LGALS2: variants seen among roughly 807,000 people sequenced by gnomAD.
LGALS2 encodes galectin 2.
Under a neutral mutation model 10.1 loss-of-function variants are expected in LGALS2, and 7 were observed. The observed-to-expected ratio is 0.70, with a 90% CI of 0.40 to 1.31. LGALS2 has a LOEUF of 1.31. LGALS2 is among the 50% of genes most tolerant of loss of function. The pLI is 0.01. For missense variants in LGALS2, 167 were observed against 163.6 expected, an observed-to-expected ratio of 1.02 and a Z score of -0.11; for synonymous variants, 86 against 64.2, an observed-to-expected ratio of 1.34 and a Z score of -1.63.
At position 37,570,711 on chromosome 22, in the gene LGALS2, C is replaced by G; in HGVS notation, c.114G>C (p.Gly38=). The G allele has an allele frequency of 6.2e-7, 1 of 1,614,226 alleles. No homozygotes were observed. Among genetic ancestry groups the G allele is most frequent in the Non-Finnish European group, 8.5e-7 (1 of 1,180,046 alleles). Residue 38 remains glycine (G), a synonymous_variant, in exon 3 of 4, where the codon GGG becomes GGC. Transcript: ENST00000215886. ...TDGFVINLGQ[G]TDKLNLHFNP... ...TGAAATGCAGGTTCAGCTTGTCTGT[C>G]CCCTGGCCCAGATTAATTACAAAGC...
Position 37,570,747 on chromosome 22 carries a change from G to A in LGALS2, c.90-12C>T. ...GATTAATTACAAAGCTGCAGGAGAA[G>A]GGGTAGCAGGTGAGGTTCAGGGCTC... is the stretch of plus-strand genomic sequence containing the variant. On this transcript the variant is annotated splice_polypyrimidine_tract_variant and intron_variant, in intron 2 of 3. Coordinates refer to ENST00000215886, the MANE Select transcript of LGALS2 (RefSeq NM_006498.3). 6.2e-7 allele frequency: 1 copy of A among 1,614,132 alleles called. No homozygotes were observed. Among genetic ancestry groups the A allele is most frequent in the Non-Finnish European group, 8.5e-7 (1 of 1,180,024 alleles).
At chr22:37,575,199 C>CTT (rs1379203044) in intron 1 of LGALS2, among the ~76,000 whole-genome samples, 3 of 112,652 alleles carry the variant, frequency 2.7e-5, no homozygotes, top group Admixed American at 9.6e-5. Context: ...TTTTTCTTTT[C>CTT]TTTCTTTTTT....
intron 1 of LGALS2, among the ~76,000 whole-genome samples, chr22:37,572,308 G>GT (rs1925522759): frequency 6.6e-6 from 1 of 152,214 alleles, no homozygotes; most frequent in African/African-American, 2.4e-5. Flanking sequence ...GAAAATGACT[G>GT]TATCAGAGGC....
chr22:37,576,156 A>G (rs1438495558), intron 1 of LGALS2, among the ~76,000 whole-genome samples: 1 of 152,080 alleles, frequency 6.6e-6, no homozygotes, highest in Non-Finnish European at 1.5e-5. Flanking sequence ...ACGGGATTAA[A>G]ATCAGTCTCT....
intron 1 of LGALS2, among the ~76,000 whole-genome samples, chr22:37,576,227 C>A (rs995317648): frequency 1.3e-5 from 2 of 151,892 alleles, no homozygotes; most frequent in African/African-American, 2.4e-5. Context: ...CCGAGGGGGG[C>A]GGATCACGAG....
In LGALS2 at chr22:37,571,856, T is replaced by C. The variant is rs773894041; in HGVS notation, c.82A>G (p.Thr28Ala). 1 of 1,613,934 alleles carries C rather than the reference T, an allele frequency of 6.2e-7. No homozygotes were observed. The highest frequency in any genetic ancestry group is 1.3e-5 in the African/African-American group (1 of 75,020). ...CCCTGAAACCTTGCTCACCCATCAG[T>C]GCCATCGGCGATGCTGCCTGTGATC... ...LKITGSIADG[T>A]DGFVINLGQG... Residue 28 changes from threonine (T) to alanine (A), a missense_variant, in exon 2 of 4, where the codon ACT becomes GCT. By Grantham distance (58) the Thr-to-Ala change is moderately conservative. Coordinates refer to ENST00000215886, the MANE Select transcript of LGALS2 (RefSeq NM_006498.3).
At chr22:37,576,984 T>C (rs1191818826) in intron 1 of LGALS2, among the ~76,000 whole-genome samples, 2 of 101,548 alleles carry the variant, frequency 2.0e-5, no homozygotes, top group African/African-American at 8.6e-5. Flanking sequence ...TGGTCGTCCC[T>C]AGAGCTGGGG....
chr22:37,575,203 CT>C (rs35861132), intron 1 of LGALS2, among the ~76,000 whole-genome samples: 148 of 128,666 alleles, frequency 1.2e-3, no homozygotes, highest in Non-Finnish European at 1.4e-3. Flanking sequence ...TCTTTTCTTT[CT>C]TTTTTTTTTT....
At chr22:37,577,231 G>C (rs1017846770) in intron 1 of LGALS2, among the ~76,000 whole-genome samples, 1 of 152,146 alleles carries the variant, frequency 6.6e-6, no homozygotes, top group Non-Finnish European at 1.5e-5. Context: ...GAGAGGCAGA[G>C]GGTGATGAGG....
chr22:37,575,884 G>T (rs559027919), intron 1 of LGALS2, among the ~76,000 whole-genome samples: 1 of 152,228 alleles, frequency 6.6e-6, no homozygotes, highest in Non-Finnish European at 1.5e-5. Context: ...CCGTCTGGAC[G>T]TTTGGGGCAG....
chr22:37,570,634 T>C lies in LGALS2; in HGVS notation c.191A>G (p.Asn64Ser), dbSNP rs773225903. Residue 64 changes from asparagine (N) to serine (S), a missense_variant, in exon 3 of 4, where the codon AAC (asparagine) becomes AGC (serine). Physicochemically the swap from Asn to Ser is conservative, Grantham distance 46 (BLOSUM62 1). Coordinates refer to ENST00000215886, the MANE Select transcript of LGALS2 (RefSeq NM_006498.3). ...TIVCNSLDGS[N>S]WGQEQREDHL... ...ATCTTCCCGTTGTTCTTGCCCCCAG[T>C]TGCTGCCGTCCAATGAGTTGCAGAC... 4 of 1,614,248 alleles carry C rather than the reference T, an allele frequency of 2.5e-6. No homozygotes were observed. In the South Asian group the frequency reaches 3.3e-5, roughly 13 times the overall value.
In LGALS2 at chr22:37,575,392, G is replaced by A. The variant is rs137938265; in HGVS notation, c.7-3461C>T. 7.3e-3 allele frequency among the ~76,000 whole-genome samples: 1,111 copies of A among 151,440 alleles called. 10 individuals are homozygous for A. Among genetic ancestry groups the A allele is most frequent in the African/African-American group, 0.026 (1,056 of 41,274 alleles). On this transcript the variant is annotated intron_variant, in intron 1 of 3. Coordinates refer to ENST00000215886, the MANE Select transcript of LGALS2 (RefSeq NM_006498.3). The stretch of plus-strand genomic sequence containing the variant: ...CCAGCTAATTTTTAAAATTTTTGTA[G>A]AGATAGGGTTTTGCTATGTTACCCA...
At chr22:37,570,883 T>G (rs1012403899) in intron 2 of LGALS2, 148 bp from the exon 3 acceptor site, 1 of 820,998 alleles carries the variant, frequency 1.2e-6, no homozygotes, top group Non-Finnish European at 2.0e-6. Flanking sequence ...GGTAACAACC[T>G]GCTCAGACTT....
At position 37,571,844 on chromosome 22, in the gene LGALS2, C is replaced by G; in HGVS notation, c.89+5G>C. 6.2e-7 allele frequency: 1 copy of G among 1,613,358 alleles called. No homozygotes were observed. The highest frequency in any genetic ancestry group is 8.5e-7 in the Non-Finnish European group (1 of 1,179,242). On this transcript the variant is annotated splice_donor_5th_base_variant and intron_variant, in intron 2 of 3. Coordinates refer to ENST00000215886, the MANE Select transcript of LGALS2 (RefSeq NM_006498.3). ...AGACTCCCCCAACCCTGAAACCTTGCTCACCCATCAGTGCCATCGGCGATG... is the reference window on the plus strand; with the variant it reads ...AGACTCCCCCAACCCTGAAACCTTGGTCACCCATCAGTGCCATCGGCGATG...
At chr22:37,574,544 G>A (rs1004404563) in intron 1 of LGALS2, among the ~76,000 whole-genome samples, 2 of 150,428 alleles carry the variant, frequency 1.3e-5, no homozygotes, top group African/African-American at 2.4e-5. Context: ...ACCAGTTTTC[G>A]CATCTATGAC....
chr22:37,576,295 A>G (rs1925671307), intron 1 of LGALS2, among the ~76,000 whole-genome samples: 1 of 151,930 alleles, frequency 6.6e-6, no homozygotes, highest in South Asian at 2.1e-4. Flanking sequence ...TACTAAAAAT[A>G]CAAAAAATTA....
At chr22:37,573,385 T>G (rs922980996) in intron 1 of LGALS2, among the ~76,000 whole-genome samples, 2 of 152,208 alleles carry the variant, frequency 1.3e-5, no homozygotes, top group African/African-American at 4.8e-5. Flanking sequence ...AATTGACTAA[T>G]TTGATTTATT....
rs1382538175 is a variant in LGALS2 at position 37,571,928 on chromosome 22, C to T, written c.10G>A (p.Glu4Lys). ...ATGTCCATGTTCTTAACCTCAAGTT[C>T]CCCCTGGGCCAACAGAGAAACATTC... MTG[E>K]LEVKNMDMKP... The change falls in exon 2 of 4, where the codon GAA (glutamate) becomes AAA (lysine). Residue 4 changes from glutamate to lysine, a missense_variant. Glu to Lys is a moderately conservative substitution (Grantham distance 56). Coordinates refer to ENST00000215886, the MANE Select transcript of LGALS2 (RefSeq NM_006498.3). 2 of 1,613,212 alleles carry T rather than the reference C, an allele frequency of 1.2e-6. No individual in the cohort carries two copies. Among genetic ancestry groups the T allele is most frequent in the Non-Finnish European group, 1.7e-6 (2 of 1,179,150 alleles).
chr22:37,573,142 G>A (rs1341879091), intron 1 of LGALS2, among the ~76,000 whole-genome samples: 1 of 130,726 alleles, frequency 7.6e-6, no homozygotes, highest in Non-Finnish European at 1.5e-5. Context: ...GTGGTGGCAC[G>A]CATCTATAGT....
Sources: allele counts gnomAD v4.1 joint callset (sites outside exome capture counted in the v4.1 genomes callset), GRCh38; gene constraint gnomAD v4.1.1; transcripts MANE v1.5; gene names NCBI Gene and HGNC (gene_info 2026-07-23, HGNC 2026-07-21).